Variants in UBR2 observed in about 807,000 individuals in gnomAD.
UBR2 encodes ubiquitin protein ligase E3 component n-recognin 2, also known as E3 ubiquitin-protein ligase UBR2.
A neutral mutation model predicts 247.9 loss-of-function variants in UBR2; 92 were observed. That is an observed-to-expected ratio of 0.37 (90% CI 0.31 to 0.44). UBR2 has a LOEUF of 0.44. Ranked by LOEUF, UBR2 falls within the 20% of genes least tolerant of loss-of-function variation. The pLI, the probability that UBR2 is intolerant of heterozygous loss-of-function variation, is 1.00. For synonymous variants in UBR2, 672 were observed against 693.5 expected (o/e 0.97, Z 0.49); for missense variants, 1,613 against 2,112.6 (o/e 0.76, Z 4.64).
intron 10 of UBR2, 124 bp downstream of exon 10, chr6:42,616,214 G>C: frequency 1.7e-6 from 1 of 587,224 alleles, no homozygotes; most frequent in Non-Finnish European, 2.8e-6. Context: ...TAAATTCTAA[G>C]AAACTTCATA....
chr6:42,676,466 A>G lies in UBR2; in HGVS notation c.4387+275A>G, dbSNP rs192755800. 6.0e-3 allele frequency among the ~76,000 whole-genome samples: 919 copies of G among 152,316 alleles called. 7 individuals carry two copies. Among genetic ancestry groups the G allele is most frequent in the Non-Finnish European group, 9.7e-3 (660 of 68,026 alleles). ...TAGAATCTTATGTTTTAGAATGCCA[A>G]TTTTGTTTTAACTTACATGTTTGTT... is the stretch of plus-strand genomic sequence containing the variant. On this transcript the variant is annotated intron_variant, in intron 39 of 46. Transcript: ENST00000372901.
At chr6:42,676,301 G>T in intron 39 of UBR2, 110 bp downstream of exon 39, 2 of 1,231,610 alleles carry the variant, frequency 1.6e-6, no homozygotes, top group Non-Finnish European at 1.1e-6. Context: ...CATGAATAAG[G>T]CTGTTTTTTT....
chr6:42,655,614 A>C lies in UBR2; in HGVS notation c.2770-7A>C. 6.6e-7 allele frequency: 1 copy of C among 1,516,140 alleles called. No homozygotes were observed. The highest frequency in any genetic ancestry group is 1.3e-5 in the South Asian group (1 of 77,790). The allele number at this position is 1,516,140 out of a possible 1,614,324, so 93.9% of individuals were successfully genotyped here. A position where few individuals can be genotyped will look rare whatever the true frequency, so the allele number is the denominator to read the frequency against. On this transcript the variant is annotated splice_polypyrimidine_tract_variant and splice_region_variant and intron_variant, in intron 25 of 46. Coordinates refer to ENST00000372901, the MANE Select transcript of UBR2 (RefSeq NM_001363705.2). ...TTTTACTAAAAGTTACAAAACATTT[A>C]TTCAAGGTGTTACATTTAATTGGCA... is the stretch of plus-strand genomic sequence containing the variant.
intron 7 of UBR2, among the ~76,000 whole-genome samples, chr6:42,610,360 AG>A (rs1328197130): frequency 2.0e-5 from 3 of 152,244 alleles, no homozygotes; most frequent in African/African-American, 7.2e-5. Context: ...AATTGAAAAC[AG>A]GTTTCAAAGA....
At chr6:42,654,575 A>G (rs973467213) in intron 25 of UBR2, among the ~76,000 whole-genome samples, 14 of 152,184 alleles carry the variant, frequency 9.2e-5, no homozygotes, top group Admixed American at 5.9e-4. Context: ...AAATAAAAAA[A>G]TTAGCCAATC....
intron 33 of UBR2, among the ~76,000 whole-genome samples, chr6:42,665,870 C>T (rs1798076807): frequency 6.6e-6 from 1 of 152,030 alleles, no homozygotes; most frequent in Non-Finnish European, 1.5e-5. Flanking sequence ...AGACCATGCA[C>T]TGCACTTATG....
chr6:42,652,795 T>C (rs897050223), intron 25 of UBR2, 150 bp downstream of exon 25: 2 of 752,108 alleles, frequency 2.7e-6, no homozygotes, highest in Admixed American at 3.4e-5. Context: ...TGTCTGACAG[T>C]AAAAACAAGT....
In UBR2 at chr6:42,641,704, C is replaced by G. The variant is rs200251660; in HGVS notation, c.2031+12C>G. Reference sequence around the variant, plus strand: ...CTCTAGTAAACCAGGTAAGTGTTTTCTAATTCTATGAAGAGTTTTCATTCC... The same window carrying G: ...CTCTAGTAAACCAGGTAAGTGTTTTGTAATTCTATGAAGAGTTTTCATTCC... On this transcript the variant is annotated intron_variant, in intron 17 of 46. Transcript: ENST00000372901. 6.3e-7 allele frequency: 1 copy of G among 1,598,432 alleles called. No homozygotes were observed. Among genetic ancestry groups the G allele is most frequent in the East Asian group, 2.3e-5 (1 of 44,188 alleles).
intron 39 of UBR2, 62 bp downstream of exon 39, chr6:42,676,253 A>G: frequency 6.7e-7 from 1 of 1,484,604 alleles, no homozygotes; most frequent in Middle Eastern, 1.8e-4. Context: ...AGTTTTAAAA[A>G]AAGTATTAGA....
At chr6:42,616,517 G>A (rs1348592872) in intron 10 of UBR2, among the ~76,000 whole-genome samples, 2 of 151,466 alleles carry the variant, frequency 1.3e-5, no homozygotes, top group Non-Finnish European at 2.9e-5. Flanking sequence ...TTTTTGGAGG[G>A]GGGGCATGAT....
chr6:42,684,770 C>A, intron 43 of UBR2, 24 bp from the exon 44 acceptor site: 1 of 1,576,258 alleles, frequency 6.3e-7, no homozygotes. Flanking sequence ...ATGGAGTGTT[C>A]TTTAATTTTT....
chr6:42,592,382 A>G (rs1253238792), intron 3 of UBR2, among the ~76,000 whole-genome samples, 153 bp downstream of exon 3: 1 of 152,206 alleles, frequency 6.6e-6, no homozygotes, highest in East Asian at 1.9e-4. Context: ...ATAGGGTGCC[A>G]GTGTAGAAAC....
At chr6:42,614,687 G>A (rs147519653) in intron 8 of UBR2, among the ~76,000 whole-genome samples, 1 of 152,128 alleles carries the variant, frequency 6.6e-6, no homozygotes, top group Non-Finnish European at 1.5e-5. Context: ...TTAAATGGTA[G>A]CACATTTTAT....
intron 7 of UBR2, 84 bp downstream of exon 7, chr6:42,606,735 C>T (rs2151930121): frequency 1.6e-6 from 2 of 1,213,416 alleles, no homozygotes; most frequent in East Asian, 5.2e-5. Context: ...ACATGTCTTT[C>T]TGCTTTCTCA....
intron 4 of UBR2, among the ~76,000 whole-genome samples, chr6:42,599,018 C>T (rs1231701298): frequency 6.6e-6 from 1 of 152,084 alleles, no homozygotes; most frequent in Non-Finnish European, 1.5e-5. Flanking sequence ...AGCTCCTGAA[C>T]TCAAGCAGAG....
Position 42,689,630 on chromosome 6 carries a change from CCTT to C in UBR2, c.5087_5089del (p.Pro1696_Tyr1697delinsHis). 1 of 1,614,124 alleles carries C rather than the reference CCTT, an allele frequency of 6.2e-7. No individual in the cohort carries two copies. The stretch of plus-strand genomic sequence containing the variant: ...AACCAAAGGCTGTTTTTATTCTCCT[CCTT>C]ACCTTGATGACTATGGGGAGACCGA... On this transcript the variant is annotated inframe_deletion, in exon 46 of 47. Coordinates refer to ENST00000372901, the MANE Select transcript of UBR2 (RefSeq NM_001363705.2). This position sits in a 1 kb window ranked among gnomAD's most constrained non-coding sequence, Gnocchi z 4.0.
At position 42,661,875 on chromosome 6, in the gene UBR2, T is replaced by C. The variant is rs759199034; in HGVS notation, c.3443-309T>C. Among the ~76,000 whole-genome samples, 16 of 152,344 alleles carry C rather than the reference T, an allele frequency of 1.1e-4. 1 individual carries two copies. The highest frequency in any genetic ancestry group is 2.1e-4 in the South Asian group (1 of 4,828). ...GGAGCTCAGGGTACAATGGGAGGAA[T>C]TGGAATATCTCAGCACCCTGAAAGT... On this transcript the variant is annotated intron_variant, in intron 30 of 46. Coordinates refer to ENST00000372901, the MANE Select transcript of UBR2 (RefSeq NM_001363705.2).
chr6:42,624,274 G>C (rs7743466), intron 11 of UBR2, among the ~76,000 whole-genome samples: 40,658 of 150,828 alleles, frequency 0.27, 5,654 homozygotes, highest in East Asian at 0.47. Context: ...GTAGCTGGGA[G>C]TACAGGCATG....
At chr6:42,662,864 G>A (rs1582680118) in intron 31 of UBR2, among the ~76,000 whole-genome samples, 2 of 152,194 alleles carry the variant, frequency 1.3e-5, no homozygotes, top group South Asian at 4.2e-4. Context: ...GAATGTGGGA[G>A]GTGGAGGTTG....
Sources: allele counts gnomAD v4.1 joint callset (sites outside exome capture counted in the v4.1 genomes callset), GRCh38; gene constraint gnomAD v4.1.1; non-coding constraint Gnocchi (gnomAD v3.1); transcripts MANE v1.5; gene names NCBI Gene and HGNC (gene_info 2026-07-23, HGNC 2026-07-21).